ZNF362: variants seen among roughly 807,000 people sequenced by gnomAD.
ZNF362 encodes rotund homolog.
In ZNF362, 11 loss-of-function variants were observed where a neutral mutation model predicts 42.9. The observed-to-expected ratio is 0.26, with a 90% CI of 0.16 to 0.42. The LOEUF (loss-of-function observed/expected upper bound fraction) is 0.42, where lower values mean the gene tolerates loss of function less well. Ranked by LOEUF, ZNF362 falls within the 20% of genes least tolerant of loss-of-function variation. The probability of loss-of-function intolerance (pLI) is 1.00; values close to 1 mark genes in which losing one functional copy is unlikely to be tolerated. For missense variants in ZNF362, 362 were observed against 576.2 expected (o/e 0.63, Z 3.81); for synonymous variants, 255 against 257.3 (o/e 0.99, Z 0.09).
chr1:33,256,164 C>A (rs1329506278), upstream of ZNF362, among the ~76,000 whole-genome samples: 1 of 148,484 alleles, frequency 6.7e-6, no homozygotes, highest in Non-Finnish European at 1.5e-5. Flanking sequence ...CGCAACTTTG[C>A]CAGGCGGTGG....
the ZNF362 span, among the ~76,000 whole-genome samples, chr1:33,177,757 A>C: frequency 1.3e-5 from 2 of 152,304 alleles, no homozygotes; most frequent in South Asian, 4.1e-4. This position sits in a 1 kb window ranked among gnomAD's most constrained non-coding sequence, Gnocchi z 4.1. Context: ...GGCCCTGCAC[A>C]ACAGTTATCT....
chr1:33,193,873 C>T, the ZNF362 span, among the ~76,000 whole-genome samples: 3 of 152,200 alleles, frequency 2.0e-5, no homozygotes, highest in Non-Finnish European at 4.4e-5. Flanking sequence ...AGTAACGGTA[C>T]TAACAGCTTG....
intron 3 of ZNF362, 22 bp downstream of exon 3, chr1:33,276,185 C>T (rs374080421): frequency 1.3e-5 from 21 of 1,612,048 alleles, no homozygotes; most frequent in Admixed American, 3.3e-5. Context: ...GTCGCCCCTC[C>T]GGCTGCCCTA....
chr1:33,145,557 G>A, the ZNF362 span: 10 of 171,664 alleles, frequency 5.8e-5, no homozygotes, highest in Non-Finnish European at 1.1e-4. Flanking sequence ...CCCGGGTGGC[G>A]GGGGCAGCCA....
chr1:33,207,242 T>C, the ZNF362 span, among the ~76,000 whole-genome samples: 1 of 152,142 alleles, frequency 6.6e-6, no homozygotes, highest in Non-Finnish European at 1.5e-5. Context: ...ATAATGATGG[T>C]TTCCAGCTTC....
At chr1:33,149,037 G>A in the ZNF362 span, among the ~76,000 whole-genome samples, 2 of 152,126 alleles carry the variant, frequency 1.3e-5, no homozygotes, top group Non-Finnish European at 2.9e-5. Flanking sequence ...CCTCCTCTCT[G>A]CTTGTTGCAA....
chr1:33,168,782 G>A, the ZNF362 span, among the ~76,000 whole-genome samples: 1 of 151,732 alleles, frequency 6.6e-6, no homozygotes, highest in East Asian at 1.9e-4. Context: ...CTGGGACACA[G>A]TGTGGCTGAG....
intron 1 of ZNF362, among the ~76,000 whole-genome samples, chr1:33,263,923 C>T (rs941321078): frequency 4.6e-5 from 7 of 152,126 alleles, no homozygotes; most frequent in South Asian, 2.1e-4. Context: ...GCCTGTTCCC[C>T]GCGAGCCATT....
the ZNF362 span, among the ~76,000 whole-genome samples, chr1:33,191,742 T>G: frequency 2.0e-5 from 3 of 152,150 alleles, no homozygotes; most frequent in Admixed American, 2.0e-4. Flanking sequence ...TGACCTCAGG[T>G]GATTCACCTG....
At chr1:33,202,308 T>C in the ZNF362 span, among the ~76,000 whole-genome samples, 2 of 152,088 alleles carry the variant, frequency 1.3e-5, no homozygotes, top group East Asian at 3.9e-4. Context: ...AAGAAGACAC[T>C]GTATCAGGCC....
At chr1:33,206,988 A>G in the ZNF362 span, among the ~76,000 whole-genome samples, 1 of 152,182 alleles carries the variant, frequency 6.6e-6, no homozygotes, top group Non-Finnish European at 1.5e-5. Flanking sequence ...TCTAGGGTAC[A>G]TGTGTACAAC....
chr1:33,269,693 C>T (rs1311468475), intron 1 of ZNF362, among the ~76,000 whole-genome samples: 1 of 152,162 alleles, frequency 6.6e-6, no homozygotes, highest in Non-Finnish European at 1.5e-5. Context: ...TGAACCATGC[C>T]CAGCCCAGTC....
chr1:33,167,810 A>G, the ZNF362 span, among the ~76,000 whole-genome samples: 1 of 152,230 alleles, frequency 6.6e-6, no homozygotes, highest in Admixed American at 6.5e-5. This position sits in a 1 kb window ranked among gnomAD's most constrained non-coding sequence, Gnocchi z 4.2. Context: ...GAAAATATTC[A>G]TGATGACATG....
At chr1:33,127,858 C>T in the ZNF362 span, among the ~76,000 whole-genome samples, 7 of 152,106 alleles carry the variant, frequency 4.6e-5, no homozygotes, top group Non-Finnish European at 8.8e-5. Context: ...CCTGCTCTCG[C>T]CTTCACTCGC....
chr1:33,250,881 A>AAGAAGAAGAAGAAGG, the ZNF362 span, among the ~76,000 whole-genome samples: 4 of 151,244 alleles, frequency 2.6e-5, no homozygotes, highest in Non-Finnish European at 5.9e-5. Context: ...GAAGAAGAAG[A>AAGAAGAAGAAGAAGG]AGAAGAAGAA....
rs1425772261 is a variant in ZNF362 at position 33,294,123 on chromosome 1, CAATGTAATG to C, written c.909-808_909-800del. Among the ~76,000 whole-genome samples the C allele has an allele frequency of 1.3e-5, 2 of 152,168 alleles. No individual in the cohort carries two copies. The highest frequency in any genetic ancestry group is 1.3e-4 in the Admixed American group (2 of 15,280). On this transcript the variant is annotated intron_variant, in intron 6 of 8. Coordinates refer to ENST00000539719, the MANE Select transcript of ZNF362 (RefSeq NM_152493.3). The surrounding 1 kb of genome is among the most constrained non-coding windows in gnomAD (Gnocchi z 4.2). ...GCACAGTGCCTGGGGCATGGGTACC[CAATGTAATG>C]AATGTGAATGAATAACGATAACTGG...
At chr1:33,221,950 G>A in the ZNF362 span, among the ~76,000 whole-genome samples, 2 of 152,098 alleles carry the variant, frequency 1.3e-5, no homozygotes, top group African/African-American at 2.4e-5. Context: ...AGCAAAGAAG[G>A]TAGAGAGAAA....
At position 33,266,178 on chromosome 1, in the gene ZNF362, C is replaced by T. The variant is rs552524366; in HGVS notation, c.-88-4309C>T. 2.0e-5 allele frequency among the ~76,000 whole-genome samples: 3 copies of T among 152,328 alleles called. No homozygotes were observed. In the East Asian group the frequency reaches 5.8e-4, roughly 29 times the overall value. ...GGGGCAGGGATTATGTTTGAGAAAC[C>T]TTTGCTCTCCCAGGGAGTTAACAGT... On this transcript the variant is annotated intron_variant, in intron 1 of 8. Coordinates refer to ENST00000539719, the MANE Select transcript of ZNF362 (RefSeq NM_152493.3). The surrounding 1 kb of genome is among the most constrained non-coding windows in gnomAD (Gnocchi z 4.3).
chr1:33,241,405 G>T, the ZNF362 span, among the ~76,000 whole-genome samples: 2 of 150,994 alleles, frequency 1.3e-5, no homozygotes, highest in African/African-American at 4.9e-5. Context: ...TGAGGCAGGA[G>T]AATCTCTTCT....
Sources: allele counts gnomAD v4.1 joint callset (sites outside exome capture counted in the v4.1 genomes callset), GRCh38; gene constraint gnomAD v4.1.1; non-coding constraint Gnocchi (gnomAD v3.1); transcripts MANE v1.5; gene names NCBI Gene and HGNC (gene_info 2026-07-23, HGNC 2026-07-21).